The following PREX1 variants were observed in gnomAD, a reference collection of about 807,000 sequenced individuals.
The protein encoded by PREX1 is phosphatidylinositol 3,4,5-trisphosphate-dependent Rac exchanger 1 protein.
Under a neutral mutation model 198.3 loss-of-function variants are expected in PREX1, and 41 were observed. The observed-to-expected ratio is 0.21, with a 90% CI of 0.16 to 0.27. PREX1 has a LOEUF of 0.27. PREX1 is among the 10% of genes least tolerant of loss of function. The pLI, the probability that PREX1 is intolerant of heterozygous loss-of-function variation, is 1.00. For synonymous variants in PREX1, 843 were observed against 887.2 expected, an observed-to-expected ratio of 0.95 and a Z score of 0.89; for missense variants, 1,620 against 2,200.7, an observed-to-expected ratio of 0.74 and a Z score of 5.28.
chr20:48,711,084 A>C (rs1192854329), intron 5 of PREX1, among the ~76,000 whole-genome samples: 3 of 152,220 alleles, frequency 2.0e-5, no homozygotes, highest in African/African-American at 4.8e-5. Context: ...ACGGGATGGA[A>C]TGTGCAGTGA....
intron 3 of PREX1, among the ~76,000 whole-genome samples, chr20:48,740,229 G>A (rs568275771): frequency 2.0e-5 from 3 of 152,312 alleles, no homozygotes; most frequent in Admixed American, 6.5e-5. Flanking sequence ...GAAGGAGAGT[G>A]GACCCAGCAC....
Position 48,632,652 on chromosome 20 carries a change from A to G in PREX1, c.4268-13T>C, listed in dbSNP as rs1337185780. 6.2e-7 allele frequency: 1 copy of G among 1,612,714 alleles called. No homozygotes were observed. The highest frequency in any genetic ancestry group is 8.5e-7 in the Non-Finnish European group (1 of 1,179,432). ...AAGACGTTGGTGTCTGCGGAAGGATATGGGGCAGGATGACTCACCACCGAG... is the reference window on the plus strand; with the variant it reads ...AAGACGTTGGTGTCTGCGGAAGGATGTGGGGCAGGATGACTCACCACCGAG... On this transcript the variant is annotated splice_polypyrimidine_tract_variant and intron_variant, in intron 33 of 39. Coordinates refer to ENST00000371941, the MANE Select transcript of PREX1 (RefSeq NM_020820.4).
At chr20:48,824,025 G>A (rs2090498583) in intron 1 of PREX1, among the ~76,000 whole-genome samples, 1 of 152,154 alleles carries the variant, frequency 6.6e-6, no homozygotes, top group South Asian at 2.1e-4. Context: ...GTCAGTTCCT[G>A]CACAGCAATG....
chr20:48,645,644 T>C (rs1181924328), intron 26 of PREX1, among the ~76,000 whole-genome samples: 1 of 152,160 alleles, frequency 6.6e-6, no homozygotes, highest in Non-Finnish European at 1.5e-5. Context: ...AACCCTAAAA[T>C]GTCAGCTTTG....
chr20:48,808,948 C>G (rs1209309216), intron 1 of PREX1, among the ~76,000 whole-genome samples: 2 of 152,212 alleles, frequency 1.3e-5, no homozygotes, highest in African/African-American at 2.4e-5. Context: ...AAAATGCACA[C>G]AGCTGAGTCT....
intron 15 of PREX1, among the ~76,000 whole-genome samples, chr20:48,663,296 C>T (rs894026410): frequency 3.9e-5 from 6 of 152,222 alleles, no homozygotes; most frequent in African/African-American, 1.4e-4. Context: ...ATCCAAAGGC[C>T]TCTCAGGTCT....
At chr20:48,662,741 G>A (rs148607239) in intron 15 of PREX1, among the ~76,000 whole-genome samples, 2 of 152,302 alleles carry the variant, frequency 1.3e-5, no homozygotes, top group African/African-American at 4.8e-5. Flanking sequence ...CCACAATCCT[G>A]GAATTGGCCC....
At chr20:48,657,721 A>T (rs921860305) in intron 17 of PREX1, among the ~76,000 whole-genome samples, 3 of 150,588 alleles carry the variant, frequency 2.0e-5, no homozygotes, top group African/African-American at 7.4e-5. Context: ...CGCCCCAGGC[A>T]AAGCCGGAAG....
At chr20:48,800,697 C>T (rs552441035) in intron 1 of PREX1, among the ~76,000 whole-genome samples, 9 of 152,280 alleles carry the variant, frequency 5.9e-5, no homozygotes, top group African/African-American at 2.2e-4. Flanking sequence ...ATGTACTGAG[C>T]CTCTCGGGCA....
intron 10 of PREX1, 83 bp downstream of exon 10, chr20:48,688,574 G>A: frequency 1.9e-6 from 3 of 1,569,068 alleles, no homozygotes; most frequent in Non-Finnish European, 2.6e-6. Flanking sequence ...GCAGGGCCAG[G>A]CTGCATGGGT....
chr20:48,832,273 G>C (rs1451765377), upstream of PREX1, among the ~76,000 whole-genome samples: 1 of 152,178 alleles, frequency 6.6e-6, no homozygotes, highest in South Asian at 2.1e-4. Flanking sequence ...CACAGTTGAG[G>C]GGGAGAAGAT....
At chr20:48,683,710 G>A (rs4810857) in intron 10 of PREX1, among the ~76,000 whole-genome samples, 58,123 of 151,976 alleles carry the variant, frequency 0.38, 11,652 homozygotes, top group South Asian at 0.53. Flanking sequence ...ACAGCTTCTC[G>A]GGAGAGTGAG....
chr20:48,652,277 A>T (rs1249245680), intron 21 of PREX1, among the ~76,000 whole-genome samples: 1 of 149,750 alleles, frequency 6.7e-6, no homozygotes, highest in Non-Finnish European at 1.5e-5. Flanking sequence ...TAAAAAAAAA[A>T]CTCTAAAATT....
chr20:48,669,691 C>G (rs561640160), intron 14 of PREX1, among the ~76,000 whole-genome samples: 31 of 152,290 alleles, frequency 2.0e-4, no homozygotes, highest in African/African-American at 7.2e-4. Flanking sequence ...GAGAGTGTCT[C>G]CATCCCACCA....
At chr20:48,660,291 A>T (rs1332168344) in intron 15 of PREX1, among the ~76,000 whole-genome samples, 1 of 152,252 alleles carries the variant, frequency 6.6e-6, no homozygotes, top group Non-Finnish European at 1.5e-5. Flanking sequence ...CACCTGCTAT[A>T]AAAAGACATT....
In PREX1 at chr20:48,688,770, G is replaced by A; in HGVS notation, c.1221C>T (p.Val407=). 6.2e-7 allele frequency: 1 copy of A among 1,614,180 alleles called. No homozygotes were observed. Among genetic ancestry groups the A allele is most frequent in the Non-Finnish European group, 8.5e-7 (1 of 1,180,030 alleles). The change falls in exon 10 of 40, where the codon GTC becomes GTT. Residue 407 remains valine, a synonymous_variant. Transcript: ENST00000371941. ...LKLGMERDAY[V]MIAEKGEKLY... is the part of the protein sequence containing the mutation. Reference sequence around the variant, plus strand: ...GCTTCTCCCCCTTCTCCGCAATCATGACGTAGGCATCACGCTCCATGCCCA... The same window carrying A: ...GCTTCTCCCCCTTCTCCGCAATCATAACGTAGGCATCACGCTCCATGCCCA...
chr20:48,825,182 G>A (rs765390527), intron 1 of PREX1, among the ~76,000 whole-genome samples: 1 of 152,174 alleles, frequency 6.6e-6, no homozygotes, highest in African/African-American at 2.4e-5. Flanking sequence ...GGCCATTCCT[G>A]ACGGGCCAAG....
intron 1 of PREX1, among the ~76,000 whole-genome samples, chr20:48,772,728 C>G (rs6125464): frequency 0.27 from 40,273 of 151,898 alleles, 6,216 homozygotes; most frequent in Admixed American, 0.34. Context: ...CTCACCCTGT[C>G]CACTGCCGTC....
In PREX1 at chr20:48,692,737, A is replaced by G; in HGVS notation, c.971T>C (p.Leu324Pro). The change falls in exon 8 of 40, where the codon CTC becomes CCC. Residue 324 changes from leucine (L) to proline (P), a missense_variant. Physicochemically the swap from Leu to Pro is moderately conservative, Grantham distance 98 (BLOSUM62 -3). Around this residue, in one of 7 missense-constraint regions of PREX1, gnomAD observed 488 missense variants for 802.5 expected, o/e 0.61. Coordinates refer to ENST00000371941, the MANE Select transcript of PREX1 (RefSeq NM_020820.4). ...GTTGATTCGACCCCTGAAGATGTAG[A>G]GGGAGCCGTTGATGGATTTGGTCCT... The part of the protein sequence containing the change: ...TKRTKSINGS[L>P]YIFRGRINTE... 6.2e-7 allele frequency: 1 copy of G among 1,614,096 alleles called. No homozygotes were observed. Among genetic ancestry groups the G allele is most frequent in the South Asian group, 1.1e-5 (1 of 91,052 alleles).
Sources: gnomAD v4.1 joint callset for allele counts (sites outside exome capture counted in the v4.1 genomes callset) on GRCh38, gnomAD v4.1.1 for gene constraint, gnomAD v4.1.1 regional missense constraint, MANE v1.5 for transcripts, NCBI Gene and HGNC (gene_info 2026-07-23, HGNC 2026-07-21) for gene names.